Variants in KMT2A observed in about 807,000 individuals in gnomAD.
The protein encoded by KMT2A is lysine methyltransferase 2A, also known as histone-lysine N-methyltransferase 2A.
A neutral mutation model predicts 345.3 loss-of-function variants in KMT2A; 16 were observed. The observed-to-expected ratio is 0.05, with a 90% confidence interval of 0.03 to 0.07. The LOEUF is 0.07. Among genes scored for constraint, KMT2A ranks in the 10% least tolerant of loss-of-function variants. The probability of loss-of-function intolerance (pLI) is 1.00; values close to 1 mark genes in which losing one functional copy is unlikely to be tolerated. For synonymous variants in KMT2A, 1,599 were observed against 1,778.6 expected (o/e 0.90, Z 2.54); for missense variants, 3,272 against 4,841.6 (o/e 0.68, Z 9.62).
intron 1 of KMT2A, among the ~76,000 whole-genome samples, chr11:118,438,261 G>T (rs1949240239): frequency 6.6e-6 from 1 of 152,186 alleles, no homozygotes; most frequent in Non-Finnish European, 1.5e-5. Context: ...AAGGGTCAGA[G>T]CGTTGCCCCT....
At position 118,436,824 on chromosome 11, in the gene KMT2A, C is replaced by T; in HGVS notation, c.312C>T (p.Ala104=). The change falls in exon 1 of 36, where the codon GCC becomes GCT. Residue 104 remains alanine, a synonymous_variant. Transcript: ENST00000534358. The surrounding 1 kb of genome is among the most constrained non-coding windows in gnomAD (Gnocchi z 6.9). ...SSSSSASSGP[A]LLRVGPGFDA... ...CGTCCTCAGCCTCTTCAGGGCCGGCCCTGCTCCGGGTGGGCCCGGGCTTCG... is the reference window on the plus strand; with the variant it reads ...CGTCCTCAGCCTCTTCAGGGCCGGCTCTGCTCCGGGTGGGCCCGGGCTTCG... 6.2e-7 allele frequency: 1 copy of T among 1,608,514 alleles called. No individual in the cohort carries two copies. Among genetic ancestry groups the T allele is most frequent in the Non-Finnish European group, 8.5e-7 (1 of 1,177,894 alleles).
At chr11:118,461,056 AAC>A (rs1179278852) in intron 1 of KMT2A, among the ~76,000 whole-genome samples, 4 of 152,232 alleles carry the variant, frequency 2.6e-5, no homozygotes, top group African/African-American at 9.6e-5. Context: ...AATTCCTTGA[AAC>A]ACAGAATTTC....
chr11:118,485,033 G>T, intron 10 of KMT2A, 58 bp downstream of exon 10: 1 of 1,016,802 alleles, frequency 9.8e-7, no homozygotes, highest in Non-Finnish European at 1.6e-6. Flanking sequence ...TTCTGTGGAT[G>T]AAATTACTAT....
rs1232295347 is a variant in KMT2A at position 118,503,239 on chromosome 11, T to G, written c.7347T>G (p.Phe2449Leu). The G allele has an allele frequency of 6.2e-7, 1 of 1,613,984 alleles. No homozygotes were observed. Among genetic ancestry groups the G allele is most frequent in the East Asian group, 2.2e-5 (1 of 44,896 alleles). ...AAGAAAAGCATTCCAGTAAATCTTT[T>G]TTGGAACCTGGTCAGGTGACAACTG... The part of the protein sequence containing the change: ...TFKEKHSSKS[F>L]LEPGQVTTGE... Residue 2449 changes from phenylalanine to leucine, a missense_variant, in exon 27 of 36, where the codon TTT becomes TTG. Around this residue, in one of 27 missense-constraint regions of KMT2A, gnomAD observed 445 missense variants for 500.9 expected, o/e 0.89. Transcript: ENST00000534358. This position sits in a 1 kb window ranked among gnomAD's most constrained non-coding sequence, Gnocchi z 5.3.
rs991179006 is a variant in KMT2A, at chr11:118,521,803, C to A, written c.11644-94C>A. 3 of 1,317,996 alleles carry A rather than the reference C, an allele frequency of 2.3e-6. No homozygotes were observed. In the Admixed American group the frequency reaches 6.8e-5, roughly 30 times the overall value. The allele number at this position is 1,317,996 out of a possible 1,614,324, so 81.6% of individuals were successfully genotyped here. A position where few individuals can be genotyped will look rare whatever the true frequency, so the allele number is the denominator to read the frequency against. On this transcript the variant is annotated intron_variant, in intron 35 of 35. Coordinates refer to ENST00000534358, the MANE Select transcript of KMT2A (RefSeq NM_001197104.2). The surrounding 1 kb of genome is among the most constrained non-coding windows in gnomAD (Gnocchi z 5.3). ...TTTTACTAGAAGAAACTTTCTCAGC[C>A]GCTATAGGTAACATCAAGAGAAGAT... is the stretch of plus-strand genomic sequence containing the variant.
intron 1 of KMT2A, among the ~76,000 whole-genome samples, chr11:118,440,136 A>C (rs782603477): frequency 2.0e-5 from 3 of 152,204 alleles, no homozygotes; most frequent in Non-Finnish European, 4.4e-5. Flanking sequence ...GCCTTCAGTG[A>C]ATAATGACTA....
In KMT2A at chr11:118,501,797, C is replaced by G. The variant is rs781843315; in HGVS notation, c.6445C>G (p.Arg2149Gly). The change falls in exon 26 of 36, where the codon CGA becomes GGA. Residue 2149 changes from arginine to glycine, a missense_variant. Physicochemically the swap from Arg to Gly is moderately radical, Grantham distance 125. Around this residue, in one of 27 missense-constraint regions of KMT2A, gnomAD observed 66 missense variants for 73.9 expected, o/e 0.89. Coordinates refer to ENST00000534358, the MANE Select transcript of KMT2A (RefSeq NM_001197104.2). ...TGTCATCTCAAAGGTCCCCAGGATT[C>G]GAACACCCAGTTATTCTCCAACACA... ...YHVISKVPRI[R>G]TPSYSPTQRS... The G allele has an allele frequency of 1.2e-6, 2 of 1,614,136 alleles. No homozygotes were observed. The highest frequency in any genetic ancestry group is 1.7e-6 in the Non-Finnish European group (2 of 1,179,980).
At position 118,473,448 on chromosome 11, in the gene KMT2A, T is replaced by C. The variant is rs1555036448; in HGVS notation, c.2289T>C (p.Ser763=). 2 of 1,614,206 alleles carry C rather than the reference T, an allele frequency of 1.2e-6. No homozygotes were observed. The highest frequency in any genetic ancestry group is 3.3e-5 in the Admixed American group (2 of 60,030). ...HSMRTRSGRL[S]SSELSPLTPP... Reference sequence around the variant, plus strand: ...TGAGGACAAGAAGTGGAAGGCTTAGTAGTTCTGAGCTCTCACCTCTCACCC... The same window carrying C: ...TGAGGACAAGAAGTGGAAGGCTTAGCAGTTCTGAGCTCTCACCTCTCACCC... Residue 763 remains serine (S), a synonymous_variant, in exon 3 of 36, where the codon AGT becomes AGC. Coordinates refer to ENST00000534358, the MANE Select transcript of KMT2A (RefSeq NM_001197104.2). The surrounding 1 kb of genome is among the most constrained non-coding windows in gnomAD (Gnocchi z 5.2).
intron 1 of KMT2A, among the ~76,000 whole-genome samples, chr11:118,460,957 T>C (rs1555032488): frequency 1.3e-5 from 2 of 152,256 alleles, no homozygotes; most frequent in African/African-American, 2.4e-5. Flanking sequence ...ATCTGGAACA[T>C]ATAGCCCTAG....
chr11:118,457,849 T>C (rs1306623448), intron 1 of KMT2A, among the ~76,000 whole-genome samples: 1 of 152,070 alleles, frequency 6.6e-6, no homozygotes. Flanking sequence ...CAGCAGTGTC[T>C]TCCTCTAGCA....
intron 1 of KMT2A, among the ~76,000 whole-genome samples, chr11:118,454,273 G>A (rs1344453675): frequency 2.0e-5 from 3 of 152,136 alleles, no homozygotes; most frequent in Non-Finnish European, 4.4e-5. Context: ...AAAGCCACAC[G>A]TAAGCTGGCC....
At chr11:118,467,376 C>CAAA (rs782320114) in intron 1 of KMT2A, among the ~76,000 whole-genome samples, 2 of 114,200 alleles carry the variant, frequency 1.8e-5, no homozygotes, top group Admixed American at 1.8e-4. Context: ...GACTCCGTCT[C>CAAA]AAAAAAAAAA....
intron 31 of KMT2A, chr11:118,512,499 C>G (rs568875049): frequency 6.2e-6 from 1 of 162,406 alleles, no homozygotes; most frequent in Non-Finnish European, 1.3e-5. Flanking sequence ...GCCAAATATT[C>G]CATTGTGTAG....
intron 2 of KMT2A, among the ~76,000 whole-genome samples, chr11:118,470,410 G>GT (rs1277618649): frequency 1.3e-5 from 2 of 151,834 alleles, no homozygotes; most frequent in African/African-American, 4.8e-5. Context: ...TTCCTCTTAA[G>GT]TTTTTTTTCA....
At position 118,521,714 on chromosome 11, in the gene KMT2A, G is replaced by T. The variant is rs1950974023; in HGVS notation, c.11644-183G>T. Among the ~76,000 whole-genome samples the T allele has an allele frequency of 6.6e-6, 1 of 152,180 alleles. No individual in the cohort carries two copies. On this transcript the variant is annotated intron_variant, in intron 35 of 35. Coordinates refer to ENST00000534358, the MANE Select transcript of KMT2A (RefSeq NM_001197104.2). This position sits in a 1 kb window ranked among gnomAD's most constrained non-coding sequence, Gnocchi z 5.3. The stretch of plus-strand genomic sequence containing the variant: ...GACATTAGAAACCTCTAGACTAGTG[G>T]CCTGTAATCTAGGAAATCCTCGTGG...
chr11:118,499,816 T>A lies in KMT2A; in HGVS notation c.6080-19T>A. Reference sequence around the variant, plus strand: ...GACGCTCATAATCTTCTCTAATCGGTTCTTCTTTCCTTGGTCAGGGTCTAT... The same window carrying A: ...GACGCTCATAATCTTCTCTAATCGGATCTTCTTTCCTTGGTCAGGGTCTAT... On this transcript the variant is annotated intron_variant, in intron 23 of 35. Transcript: ENST00000534358. 3 of 1,565,656 alleles carry A rather than the reference T, an allele frequency of 1.9e-6. No homozygotes were observed. Among genetic ancestry groups the A allele is most frequent in the Non-Finnish European group, 2.6e-6 (3 of 1,136,252 alleles).
At chr11:118,470,993 C>T (rs1949933035) in intron 2 of KMT2A, among the ~76,000 whole-genome samples, 1 of 152,182 alleles carries the variant, frequency 6.6e-6, no homozygotes, top group Non-Finnish European at 1.5e-5. Context: ...AGCTCAAGAA[C>T]CTCTAAGCAG....
chr11:118,521,468 G>A lies in KMT2A; in HGVS notation c.11643+51G>A, dbSNP rs782750298. 1.2e-6 allele frequency: 2 copies of A among 1,601,622 alleles called. No homozygotes were observed. The highest frequency in any genetic ancestry group is 2.2e-5 in the South Asian group (2 of 90,414). On this transcript the variant is annotated intron_variant, in intron 35 of 35. Coordinates refer to ENST00000534358, the MANE Select transcript of KMT2A (RefSeq NM_001197104.2). The surrounding 1 kb of genome is among the most constrained non-coding windows in gnomAD (Gnocchi z 5.3). The stretch of plus-strand genomic sequence containing the variant: ...AGTTCTTTTGTTTTGCTGTAGAAAG[G>A]GACCAGTATGACCCCTGGATCACAA...
chr11:118,472,243 C>A lies in KMT2A; in HGVS notation c.1084C>A (p.Pro362Thr), dbSNP rs1949955561. 3 of 1,613,996 alleles carry A rather than the reference C, an allele frequency of 1.9e-6. No homozygotes were observed. The highest frequency in any genetic ancestry group is 2.5e-6 in the Non-Finnish European group (3 of 1,180,012). The change falls in exon 3 of 36, where the codon CCT becomes ACT. Residue 362 changes from proline (P) to threonine (T), a missense_variant. Around this residue, in one of 27 missense-constraint regions of KMT2A, gnomAD observed 412 missense variants for 511.0 expected, o/e 0.81. Coordinates refer to ENST00000534358, the MANE Select transcript of KMT2A (RefSeq NM_001197104.2). The part of the protein sequence containing the change: ...PRRIKPVRII[P>T]SSKRTDATIA... ...AAGGATTAAGCCAGTTAGGATTATT[C>A]CTTCTTCAAAAAGGACAGATGCAAC...
Sources: gnomAD v4.1 joint callset for allele counts (sites outside exome capture counted in the v4.1 genomes callset) on GRCh38, gnomAD v4.1.1 for gene constraint, gnomAD v4.1.1 regional missense constraint, Gnocchi (gnomAD v3.1) non-coding constraint, MANE v1.5 for transcripts, NCBI Gene and HGNC (gene_info 2026-07-23, HGNC 2026-07-21) for gene names.